The following PTK7 variants were observed in gnomAD, a reference collection of about 807,000 sequenced individuals.
PTK7 encodes the protein protein tyrosine kinase 7 (inactive).
PTK7 carries 39 observed loss-of-function variants against 116.6 expected under a neutral mutation model. The observed-to-expected ratio is 0.33, with a 90% CI of 0.26 to 0.44. PTK7 has a LOEUF of 0.44. PTK7 is among the 20% of genes least tolerant of loss of function. The pLI, the probability that PTK7 is intolerant of heterozygous loss-of-function variation, is 1.00. For missense variants in PTK7, 1,169 were observed against 1,425.6 expected (o/e 0.82, Z 2.90); for synonymous variants, 546 against 563.6 (o/e 0.97, Z 0.44).
intron 1 of PTK7, among the ~76,000 whole-genome samples, chr6:43,081,368 T>A (rs1027402575): frequency 6.6e-6 from 1 of 152,132 alleles, no homozygotes; most frequent in Non-Finnish European, 1.5e-5. Flanking sequence ...TTATTTATAA[T>A]GGGTTCTTAT....
intron 1 of PTK7, among the ~76,000 whole-genome samples, chr6:43,116,604 T>TTGTGTTTG: frequency 1.7e-5 from 2 of 119,168 alleles, no homozygotes; most frequent in East Asian, 5.2e-4. Flanking sequence ...AAAAGCTGGT[T>TTGTGTTTG]TGTGTGTGTG....
At chr6:43,156,351 C>G (rs764086020) in intron 17 of PTK7, among the ~76,000 whole-genome samples, 5 of 151,734 alleles carry the variant, frequency 3.3e-5, no homozygotes, top group African/African-American at 4.8e-5. Flanking sequence ...CCTGTGATCC[C>G]AGCAGTTTGG....
At chr6:43,122,383 G>A (rs756915085) in intron 1 of PTK7, among the ~76,000 whole-genome samples, 4 of 152,068 alleles carry the variant, frequency 2.6e-5, no homozygotes, top group Non-Finnish European at 5.9e-5. Flanking sequence ...GGGAGCCCCG[G>A]GGCTGCTCCT....
intron 1 of PTK7, among the ~76,000 whole-genome samples, chr6:43,108,094 C>CTTTTTTT (rs1327874500): frequency 7.3e-6 from 1 of 137,424 alleles, no homozygotes; most frequent in Non-Finnish European, 1.6e-5. Context: ...GCTGCTTTAA[C>CTTTTTTT]TTTTTTTTTT....
chr6:43,084,424 T>G lies in PTK7; in HGVS notation c.79+7857T>G, dbSNP rs561005507. 4.7e-4 allele frequency among the ~76,000 whole-genome samples: 71 copies of G among 152,354 alleles called. No homozygotes were observed. The South Asian group carries it at 0.013, about 28-fold the overall frequency. On this transcript the variant is annotated intron_variant, in intron 1 of 19. Coordinates refer to ENST00000230419, the MANE Select transcript of PTK7 (RefSeq NM_002821.5). ...TGCCAAAGTGTTGGGATTACAGGCG[T>G]AAGCCATCACGCCCAGCCTGGAAAC... is the stretch of plus-strand genomic sequence containing the variant.
rs1342736088 is a variant in PTK7, at chr6:43,140,530, T to C, written c.1618+1005T>C. On this transcript the variant is annotated intron_variant, in intron 10 of 19. Transcript: ENST00000230419. ...CATCTTTGGGTGTATGTCTTCTTTT[T>C]CTGTGCATATGTTTTTCTTTTTTTA... 4.6e-5 allele frequency among the ~76,000 whole-genome samples: 7 copies of C among 152,282 alleles called. No homozygotes were observed. The East Asian group carries it at 1.4e-3, about 29-fold the overall frequency.
At chr6:43,090,670 AG>A (rs1444757538) in intron 1 of PTK7, among the ~76,000 whole-genome samples, 1 of 152,084 alleles carries the variant, frequency 6.6e-6, no homozygotes, top group Non-Finnish European at 1.5e-5. Flanking sequence ...TGGCAGACAA[AG>A]GTTTGGGATG....
intron 7 of PTK7, among the ~76,000 whole-genome samples, chr6:43,135,647 C>T (rs1769984780): frequency 6.6e-6 from 1 of 152,144 alleles, no homozygotes. Flanking sequence ...GAACAGTAGT[C>T]GCCTGTGTGG....
rs1770450740 is a variant in PTK7, at chr6:43,142,092, C to A, written c.1919+11C>A. 6.2e-7 allele frequency: 1 copy of A among 1,612,588 alleles called. No homozygotes were observed. Among genetic ancestry groups the A allele is most frequent in the Non-Finnish European group, 8.5e-7 (1 of 1,179,368 alleles). ...CAAGCTGGGACCCAGGTAGGGCCAC[C>A]TCTCTCCCACACCCGTCCCTCCTCT... is the stretch of plus-strand genomic sequence containing the variant. On this transcript the variant is annotated intron_variant, in intron 12 of 19. Transcript: ENST00000230419.
At chr6:43,086,996 A>G (rs538109981) in intron 1 of PTK7, among the ~76,000 whole-genome samples, 3 of 152,374 alleles carry the variant, frequency 2.0e-5, no homozygotes, top group Admixed American at 6.5e-5. Flanking sequence ...TTCCATTGGC[A>G]TGAAGGCCTT....
intron 1 of PTK7, among the ~76,000 whole-genome samples, chr6:43,106,650 CTTTT>C (rs11312929): frequency 1.0e-5 from 1 of 98,580 alleles, no homozygotes; most frequent in South Asian, 3.6e-4. Flanking sequence ...TCCTCCCTGC[CTTTT>C]TTTTTTTTTT....
intron 1 of PTK7, among the ~76,000 whole-genome samples, chr6:43,124,802 A>G (rs910862572): frequency 6.6e-6 from 1 of 152,264 alleles, no homozygotes; most frequent in Non-Finnish European, 1.5e-5. Flanking sequence ...GCCAACCTGA[A>G]TAAAGAGCCT....
chr6:43,100,055 G>T (rs946725129), intron 1 of PTK7, among the ~76,000 whole-genome samples: 2 of 152,060 alleles, frequency 1.3e-5, no homozygotes, highest in Non-Finnish European at 2.9e-5. Context: ...TTACAGCTGT[G>T]AACCACTGCA....
Position 43,145,033 on chromosome 6 carries a change from C to A in PTK7, c.2408-167C>A. On this transcript the variant is annotated intron_variant, in intron 15 of 19. Transcript: ENST00000230419. The surrounding 1 kb of genome is among the most constrained non-coding windows in gnomAD (Gnocchi z 4.8). ...TTAGTCCCACCCTTTTATTTTGTTG[C>A]TGCAGACACTGAAGCCTAAGGAGGG... The A allele has an allele frequency of 1.9e-6, 1 of 536,664 alleles. No individual in the cohort carries two copies. Among genetic ancestry groups the A allele is most frequent in the Non-Finnish European group, 3.2e-6 (1 of 308,714 alleles). 33.2% of individuals were successfully genotyped at this position (536,664 alleles called of 1,614,324 possible).
chr6:43,123,785 G>C (rs907223638), intron 1 of PTK7, among the ~76,000 whole-genome samples: 1 of 152,214 alleles, frequency 6.6e-6, no homozygotes, highest in Admixed American at 6.5e-5. Flanking sequence ...GTTGCTGAGG[G>C]CTTCTTGCCT....
At chr6:43,083,639 GACAC>G (rs1190472620) in intron 1 of PTK7, among the ~76,000 whole-genome samples, 2 of 152,186 alleles carry the variant, frequency 1.3e-5, no homozygotes, top group African/African-American at 4.8e-5. Context: ...TCGAAGGGCT[GACAC>G]ACACACAGGC....
In PTK7 at chr6:43,117,123, CACCGTAG is replaced by C. The variant is rs1768602761; in HGVS notation, c.80-11851_80-11845del. Among the ~76,000 whole-genome samples the C allele has an allele frequency of 2.0e-5, 3 of 152,124 alleles. No individual in the cohort carries two copies. The South Asian group carries it at 6.2e-4, about 32-fold the overall frequency. ...ACAATCAGGCGTGAGCCACCATGCC[CACCGTAG>C]ACTTCAACTATGGACAGCTCTGTTC... is the stretch of plus-strand genomic sequence containing the variant. On this transcript the variant is annotated intron_variant, in intron 1 of 19. Transcript: ENST00000230419.
intron 1 of PTK7, among the ~76,000 whole-genome samples, chr6:43,116,887 G>A (rs1047529719): frequency 1.3e-5 from 2 of 151,970 alleles, no homozygotes; most frequent in African/African-American, 2.4e-5. Context: ...GCAGTGGTGC[G>A]ACCTCGACTC....
chr6:43,082,854 G>A (rs1418674061), intron 1 of PTK7, among the ~76,000 whole-genome samples: 2 of 152,224 alleles, frequency 1.3e-5, no homozygotes, highest in Non-Finnish European at 2.9e-5. Context: ...ACGAAAGCCA[G>A]TGGAGAAACT....
Sources: allele counts gnomAD v4.1 joint callset (sites outside exome capture counted in the v4.1 genomes callset), GRCh38; gene constraint gnomAD v4.1.1; non-coding constraint Gnocchi (gnomAD v3.1); transcripts MANE v1.5; gene names NCBI Gene and HGNC (gene_info 2026-07-23, HGNC 2026-07-21).